PLD5: variants seen among roughly 807,000 people sequenced by gnomAD.
PLD5 encodes the protein phospholipase D family member 5.
PLD5 carries 36 observed loss-of-function variants against 61.1 expected under a neutral mutation model. That is an observed-to-expected ratio of 0.59 (90% CI 0.45 to 0.78). The LOEUF is 0.78. PLD5 is among the 30% of genes least tolerant of loss of function. The pLI, the probability that PLD5 is intolerant of heterozygous loss-of-function variation, is 0.00. For synonymous variants in PLD5, 243 were observed against 242.8 expected, an observed-to-expected ratio of 1.00 and a Z score of -0.01; for missense variants, 515 against 644.4, an observed-to-expected ratio of 0.80 and a Z score of 2.17.
intron 1 of PLD5, among the ~76,000 whole-genome samples, chr1:242,373,056 C>CT (rs1203446867): frequency 1.3e-5 from 2 of 152,040 alleles, no homozygotes; most frequent in African/African-American, 2.4e-5. Context: ...GGACAAAGGG[C>CT]TAATATCCAT....
At chr1:242,156,864 G>A (rs932717865) in intron 5 of PLD5, among the ~76,000 whole-genome samples, 13 of 152,058 alleles carry the variant, frequency 8.5e-5, no homozygotes, top group Admixed American at 5.9e-4. Context: ...TATCTTTGTG[G>A]TGGTCTCTGC....
intron 2 of PLD5, among the ~76,000 whole-genome samples, chr1:242,298,324 A>ATG (rs1558441670): frequency 6.6e-6 from 1 of 151,764 alleles, no homozygotes; most frequent in Non-Finnish European, 1.5e-5. Context: ...GTATAATGGT[A>ATG]GCTATTATTT....
intron 1 of PLD5, among the ~76,000 whole-genome samples, chr1:242,451,898 C>G (rs896368338): frequency 6.6e-6 from 1 of 152,194 alleles, no homozygotes; most frequent in African/African-American, 2.4e-5. Context: ...ACTTCAGTCA[C>G]AAAGAACTCC....
intron 5 of PLD5, among the ~76,000 whole-genome samples, chr1:242,202,426 C>T (rs1331407237): frequency 6.6e-6 from 1 of 152,092 alleles, no homozygotes; most frequent in African/African-American, 2.4e-5. Context: ...GAAGAAACCA[C>T]AGCTACTTTA....
At chr1:242,369,838 G>A (rs752364966) in intron 1 of PLD5, among the ~76,000 whole-genome samples, 70 of 152,054 alleles carry the variant, frequency 4.6e-4, no homozygotes, top group South Asian at 2.1e-4. Flanking sequence ...CCACCACCCC[G>A]GGTGGTCTGC....
chr1:242,157,569 T>C (rs1665485909), intron 5 of PLD5, among the ~76,000 whole-genome samples: 2 of 152,198 alleles, frequency 1.3e-5, no homozygotes, highest in African/African-American at 4.8e-5. Context: ...TTCTGTTGGT[T>C]AGTTTTACTT....
rs543419020 is a variant in PLD5, at chr1:242,323,105, T to G, written c.326+25001A>C. 3.3e-5 allele frequency among the ~76,000 whole-genome samples: 5 copies of G among 152,244 alleles called. No individual in the cohort carries two copies. In the South Asian group the frequency reaches 1.0e-3, roughly 32 times the overall value. ...TACAATAAATTATTATTGTTATAAT[T>G]ATTTAACATAAATCTTCACGAAAAA... On this transcript the variant is annotated intron_variant, in intron 2 of 9. Coordinates refer to ENST00000536534, the MANE Select transcript of PLD5 (RefSeq NM_001372062.1).
At chr1:242,355,107 G>A (rs532636347) in intron 1 of PLD5, among the ~76,000 whole-genome samples, 3 of 152,180 alleles carry the variant, frequency 2.0e-5, no homozygotes, top group African/African-American at 4.8e-5. Context: ...TCCTTGTCTG[G>A]CTTTAGTATA....
intron 9 of PLD5, among the ~76,000 whole-genome samples, chr1:242,099,711 G>T (rs983464145): frequency 6.6e-6 from 1 of 152,154 alleles, no homozygotes; most frequent in Non-Finnish European, 1.5e-5. Flanking sequence ...GTTGCGAAGA[G>T]AAATGAATCA....
At chr1:242,492,491 C>T (rs1407621305) in intron 1 of PLD5, among the ~76,000 whole-genome samples, 1 of 143,286 alleles carries the variant, frequency 7.0e-6, no homozygotes, top group African/African-American at 2.7e-5. Context: ...CATTGCACTC[C>T]AGTATGGATA....
rs1447777960 is a variant in PLD5, at chr1:242,394,969, TTATATATGAATATATATGAATATATATG to T, written c.190-46755_190-46728del. Reference sequence around the variant, plus strand: ...TATGATTATATATGAATATATATGATTATATATGAATATATATGAATATATATGTATATATGAATATATATGAATATAT... The same window carrying T: ...TATGATTATATATGAATATATATGATTATATATGAATATATATGAATATAT... On this transcript the variant is annotated intron_variant, in intron 1 of 9. Transcript: ENST00000536534. Among the ~76,000 whole-genome samples, 176 of 60,402 alleles carry T rather than the reference TTATATATGAATATATATGAATATATATG, an allele frequency of 2.9e-3. 5 individuals carry two copies. The highest frequency in any genetic ancestry group is 4.7e-3 in the Non-Finnish European group (152 of 32,356). The allele number at this position is 60,402 out of a possible 152,430, so 39.6% of individuals were successfully genotyped here.
At chr1:242,239,772 A>G (rs912516679) in intron 4 of PLD5, among the ~76,000 whole-genome samples, 13 of 152,240 alleles carry the variant, frequency 8.5e-5, no homozygotes, top group Non-Finnish European at 1.8e-4. Context: ...AAAAAAGGAA[A>G]CAATAATAGA....
intron 3 of PLD5, among the ~76,000 whole-genome samples, chr1:242,283,389 A>G (rs1674832470): frequency 6.6e-6 from 1 of 151,990 alleles, no homozygotes; most frequent in Admixed American, 6.6e-5. Context: ...TTCTTGGTAT[A>G]TTTTCTTATT....
chr1:242,276,892 T>C (rs546986815), intron 3 of PLD5, among the ~76,000 whole-genome samples: 13 of 152,228 alleles, frequency 8.5e-5, no homozygotes, highest in Non-Finnish European at 1.6e-4. Context: ...TGCTTAATGA[T>C]GGTTATCTCA....
intron 1 of PLD5, among the ~76,000 whole-genome samples, chr1:242,435,771 T>C (rs4561026): frequency 0.26 from 39,981 of 151,886 alleles, 6,601 homozygotes; most frequent in African/African-American, 0.47. Flanking sequence ...ATGTAACTGC[T>C]AGAGGTAATG....
chr1:242,416,538 T>C (rs1263864424), intron 1 of PLD5, among the ~76,000 whole-genome samples: 1 of 152,130 alleles, frequency 6.6e-6, no homozygotes, highest in African/African-American at 2.4e-5. Flanking sequence ...GCTGCAAGAA[T>C]TCAACAAATT....
At chr1:242,522,556 T>C (rs1019204121) in intron 1 of PLD5, among the ~76,000 whole-genome samples, 3 of 152,166 alleles carry the variant, frequency 2.0e-5, no homozygotes, top group Middle Eastern at 3.2e-3. Flanking sequence ...CAAAAGAACA[T>C]ACATTCAGAG....
chr1:242,377,080 G>T, intron 1 of PLD5: 1 of 1,611,730 alleles, frequency 6.2e-7, no homozygotes, highest in Non-Finnish European at 8.5e-7. Flanking sequence ...TCGTGGCTGG[G>T]TTTGTTCTCC....
chr1:242,496,630 A>G (rs994382473), intron 1 of PLD5, among the ~76,000 whole-genome samples: 4 of 151,932 alleles, frequency 2.6e-5, no homozygotes, highest in African/African-American at 9.7e-5. Flanking sequence ...ATTCTCTTTC[A>G]TTTTTTTTCA....
Sources: gnomAD v4.1 joint callset for allele counts (sites outside exome capture counted in the v4.1 genomes callset) on GRCh38, gnomAD v4.1.1 for gene constraint, MANE v1.5 for transcripts, NCBI Gene and HGNC (gene_info 2026-07-23, HGNC 2026-07-21) for gene names.